UGT2B11: variants seen among roughly 807,000 people sequenced by gnomAD.
UGT2B11 encodes the protein UDP-glucuronosyltransferase 2B11.
Under a neutral mutation model 51.7 loss-of-function variants are expected in UGT2B11, and 49 were observed. The ratio of observed to expected loss-of-function variants is 0.95; its 90% CI spans 0.75 to 1.20. The LOEUF (loss-of-function observed/expected upper bound fraction) is 1.20. Among genes scored for constraint, UGT2B11 ranks in the 50% most tolerant of loss-of-function variants. The pLI, the probability that UGT2B11 is intolerant of heterozygous loss-of-function variation, is 0.00. For missense variants in UGT2B11, 810 were observed against 622.1 expected (o/e 1.30, Z -3.21); for synonymous variants, 273 against 209.0 (o/e 1.31, Z -2.64).
upstream of UGT2B11, among the ~76,000 whole-genome samples, chr4:69,217,001 TC>T (rs1471316871): frequency 6.6e-6 from 1 of 152,294 alleles, no homozygotes; most frequent in East Asian, 1.9e-4. Context: ...ATTTCATGTT[TC>T]CTGACATTAT....
At position 69,205,530 on chromosome 4, in the gene UGT2B11, A is replaced by C. The variant is rs1721818767; in HGVS notation, c.1040T>G (p.Leu347Ter). Residue 347 changes from leucine (L) to a stop codon, truncating the protein, a stop_gained, in exon 4 of 6, where the codon TTA becomes TGA. Coordinates refer to ENST00000446444, the MANE Select transcript of UGT2B11 (RefSeq NM_001073.3). LOFTEE classifies it high-confidence loss of function. ...CTTGTACAGCCGAGTATTGAGACCTAAGGCATCTGGTTTATTCCCGTCAAA... is the reference window on the plus strand; with the variant it reads ...CTTGTACAGCCGAGTATTGAGACCTCAGGCATCTGGTTTATTCCCGTCAAA... ...WRFDGNKPDALGLNTRLYKWI... is the reference protein window; with the variant it reads ...WRFDGNKPDA 6 of 1,610,604 alleles carry C rather than the reference A, an allele frequency of 3.7e-6. No homozygotes were observed. The highest frequency in any genetic ancestry group is 5.1e-6 in the Non-Finnish European group (6 of 1,177,898).
chr4:69,208,466 A>T lies in UGT2B11; in HGVS notation c.887T>A (p.Val296Glu), dbSNP rs758753165. 5 of 1,609,062 alleles carry T rather than the reference A, an allele frequency of 3.1e-6. No homozygotes were observed. The South Asian group carries it at 5.5e-5, about 18-fold the overall frequency. ...AACACCATTTTCTCCAGAGCTCTGT[A>T]CAAACTCCTCCATTTCCTGTGAAAA... Reference protein sequence around the residue: ...KPLPKEMEEFVQSSGENGVVV... With the variant: ...KPLPKEMEEFEQSSGENGVVV... The change falls in exon 3 of 6, where the codon GTA (valine) becomes GAA (glutamate). Residue 296 changes from valine (V) to glutamate (E), a missense_variant. Coordinates refer to ENST00000446444, the MANE Select transcript of UGT2B11 (RefSeq NM_001073.3).
In UGT2B11 at chr4:69,205,538, T is replaced by C. The variant is rs754833873; in HGVS notation, c.1032A>G (p.Pro344=). The C allele has an allele frequency of 1.9e-6, 3 of 1,610,536 alleles. No individual in the cohort carries two copies. Among genetic ancestry groups the C allele is most frequent in the South Asian group, 1.1e-5 (1 of 90,970 alleles). The change falls in exon 4 of 6, where the codon CCA becomes CCG. Residue 344 remains proline, a synonymous_variant. Transcript: ENST00000446444. The part of the protein sequence containing the change: ...KVLWRFDGNK[P]DALGLNTRLY... ...GCCGAGTATTGAGACCTAAGGCATC[T>C]GGTTTATTCCCGTCAAATCTCCACA...
At chr4:69,212,132 G>C (rs1560540135) in intron 2 of UGT2B11, among the ~76,000 whole-genome samples, 1 of 151,382 alleles carries the variant, frequency 6.6e-6, no homozygotes, top group Non-Finnish European at 1.5e-5. Flanking sequence ...GTTTTTCCTT[G>C]AGATAATAGT....
the UGT2B11 span, among the ~76,000 whole-genome samples, chr4:69,220,962 CA>C: frequency 6.6e-6 from 1 of 152,106 alleles, no homozygotes; most frequent in African/African-American, 2.4e-5. Flanking sequence ...TAATTTATAA[CA>C]GAATTGTGTG....
Position 69,200,713 on chromosome 4 carries a change from T to C in UGT2B11, c.1317A>G (p.Lys439=). 1 of 1,608,908 alleles carries C rather than the reference T, an allele frequency of 6.2e-7. No homozygotes were observed. The highest frequency in any genetic ancestry group is 8.5e-7 in the Non-Finnish European group (1 of 1,177,486). Residue 439 remains lysine (K), a synonymous_variant, in exon 6 of 6, where the codon AAA becomes AAG. Coordinates refer to ENST00000446444, the MANE Select transcript of UGT2B11 (RefSeq NM_001073.3). ...TTCTTGATAATTTCATAATATTCTC[T>C]TTATATCTGAAGGATAAAAATAAGG... ...LKTVINDPLY[K]ENIMKLSRIQ...
At chr4:69,209,326 G>A (rs1336647146) in intron 2 of UGT2B11, among the ~76,000 whole-genome samples, 1 of 151,624 alleles carries the variant, frequency 6.6e-6, no homozygotes, top group Non-Finnish European at 1.5e-5. Flanking sequence ...TCATCACTTT[G>A]TTGTGTCTCA....
chr4:69,215,848 AAAGG>A (rs1302469352), upstream of UGT2B11: 1 of 151,432 alleles, frequency 6.6e-6, no homozygotes, highest in East Asian at 1.9e-4. Context: ...CAGACCCAAA[AAAGG>A]AAGGTTTCCT....
chr4:69,212,521 T>G, intron 2 of UGT2B11, 52 bp downstream of exon 2: 2 of 1,586,864 alleles, frequency 1.3e-6, no homozygotes, highest in Non-Finnish European at 1.7e-6. Flanking sequence ...ATAGACTCAT[T>G]TCTACTGAAA....
At chr4:69,222,261 A>G in the UGT2B11 span, among the ~76,000 whole-genome samples, 24,311 of 152,096 alleles carry the variant, frequency 0.16, 2,335 homozygotes, top group African/African-American at 0.27. Context: ...TGATAAGTTT[A>G]TCCTTTAAAA....
Position 69,214,094 on chromosome 4 carries a change from C to T in UGT2B11, c.629G>A (p.Arg210Lys). The T allele has an allele frequency of 6.2e-7, 1 of 1,611,064 alleles. No homozygotes were observed. Reference protein sequence around the residue: ...KLSDQMTFMERVKNMIYVLYF... With the variant: ...KLSDQMTFMEKVKNMIYVLYF... ...AAGCACATAGATCATATTTTTTACCCTCTCCATGAAAGTCATTTGATCACT... is the reference window on the plus strand; with the variant it reads ...AAGCACATAGATCATATTTTTTACCTTCTCCATGAAAGTCATTTGATCACT... Residue 210 changes from arginine to lysine, a missense_variant, in exon 1 of 6, where the codon AGG (arginine) becomes AAG (lysine). By Grantham distance (26) the Arg-to-Lys change is conservative. Coordinates refer to ENST00000446444, the MANE Select transcript of UGT2B11 (RefSeq NM_001073.3).
In UGT2B11 at chr4:69,214,321, C is replaced by A; in HGVS notation, c.402G>T (p.Lys134Asn). The change falls in exon 1 of 6, where the codon AAG becomes AAT. Residue 134 changes from lysine (K) to asparagine (N), a missense_variant. Physicochemically the swap from Lys to Asn is moderately conservative, Grantham distance 94. Transcript: ENST00000446444. ...ACTCTTGTAGTTTTTTCATAACTTT[C>A]TTATTTGAAACTACATCTTTACAGA... ...RNFCKDVVSN[K>N]KVMKKLQESR... 1 of 1,613,124 alleles carries A rather than the reference C, an allele frequency of 6.2e-7. No individual in the cohort carries two copies. The highest frequency in any genetic ancestry group is 8.5e-7 in the Non-Finnish European group (1 of 1,179,492).
At chr4:69,211,407 C>A (rs1169427823) in intron 2 of UGT2B11, among the ~76,000 whole-genome samples, 2 of 151,454 alleles carry the variant, frequency 1.3e-5, no homozygotes, top group Non-Finnish European at 3.0e-5. Flanking sequence ...TATCTGTCAT[C>A]TATGACTTTG....
At chr4:69,215,010 C>G (rs10007587), upstream of UGT2B11, 1 of 331,944 alleles carries the variant, frequency 3.0e-6, no homozygotes, top group East Asian at 6.1e-5. Context: ...GTGTCAAGAA[C>G]AGTGGCAAGT....
intron 5 of UGT2B11, 101 bp downstream of exon 5, chr4:69,204,329 T>C (rs1306567917): frequency 1.3e-5 from 19 of 1,509,554 alleles, no homozygotes; most frequent in Non-Finnish European, 1.7e-5. Flanking sequence ...TTTAAATTCT[T>C]TCAAGATTAC....
chr4:69,200,563 G>A lies in UGT2B11; in HGVS notation c.1467C>T (p.His489=). Residue 489 remains histidine, a synonymous_variant, in exon 6 of 6, where the codon CAC becomes CAT. Transcript: ENST00000446444. ...AAHDLTWFQY[H]SLDVIGFLLA... ...GCAGAAACCCAATCACATCCAAAGAGTGGTACTGGAACCAGGTGAGGTCAT... is the reference window on the plus strand; with the variant it reads ...GCAGAAACCCAATCACATCCAAAGAATGGTACTGGAACCAGGTGAGGTCAT... 6.2e-7 allele frequency: 1 copy of A among 1,612,432 alleles called. No individual in the cohort carries two copies. The highest frequency in any genetic ancestry group is 8.5e-7 in the Non-Finnish European group (1 of 1,179,018).
At chr4:69,204,210 T>C (rs1203275205) in intron 5 of UGT2B11, 5 of 498,922 alleles carry the variant, frequency 1.0e-5, no homozygotes, top group Non-Finnish European at 1.6e-5. Context: ...ATTATTTTTG[T>C]TTAGAAAATT....
chr4:69,221,858 C>T, the UGT2B11 span, among the ~76,000 whole-genome samples: 3 of 152,252 alleles, frequency 2.0e-5, no homozygotes, highest in East Asian at 5.8e-4. Context: ...CAGGCACACT[C>T]AGTCCTGTTG....
the UGT2B11 span, among the ~76,000 whole-genome samples, chr4:69,222,368 C>T: frequency 2.0e-5 from 3 of 152,170 alleles, no homozygotes; most frequent in Admixed American, 6.5e-5. Context: ...TCCTCCTTTC[C>T]CTTTGTAATT....
Sources: allele counts gnomAD v4.1 joint callset (sites outside exome capture counted in the v4.1 genomes callset), GRCh38; gene constraint gnomAD v4.1.1; transcripts MANE v1.5; gene names NCBI Gene and HGNC (gene_info 2026-07-23, HGNC 2026-07-21).